The following ANO3 variants were observed in gnomAD, a reference collection of about 807,000 sequenced individuals.
The protein encoded by ANO3 is anoctamin-3.
Under a neutral mutation model 144.8 loss-of-function variants are expected in ANO3, and 99 were observed. That is an observed-to-expected ratio of 0.68 (90% CI 0.58 to 0.81). The LOEUF (loss-of-function observed/expected upper bound fraction) is 0.81. Among genes scored for constraint, ANO3 ranks in the 30% least tolerant of loss-of-function variants. The probability of loss-of-function intolerance (pLI) is 0.00; values close to 1 mark genes in which losing one functional copy is unlikely to be tolerated. For missense variants in ANO3, 905 were observed against 1,202.2 expected (o/e 0.75, Z 3.66); for synonymous variants, 414 against 392.6 (o/e 1.05, Z -0.64).
intron 14 of ANO3, among the ~76,000 whole-genome samples, chr11:26,564,728 CACACATATATATATAT>C (rs1215522548): frequency 0.025 from 883 of 35,524 alleles, 2 homozygotes; most frequent in Non-Finnish European, 0.031. Flanking sequence ...CACACACACA[CACACATATATATATAT>C]ATATATATAT....
chr11:26,369,810 C>T (rs1477094500), intron 1 of ANO3, among the ~76,000 whole-genome samples: 1 of 151,976 alleles, frequency 6.6e-6, no homozygotes, highest in Non-Finnish European at 1.5e-5. Flanking sequence ...TGGAATCTTC[C>T]CAGTTTGGTG....
At chr11:26,191,677 T>C (rs1292925940) in intron 1 of ANO3, among the ~76,000 whole-genome samples, 1 of 152,238 alleles carries the variant, frequency 6.6e-6, no homozygotes, top group Non-Finnish European at 1.5e-5. Flanking sequence ...AAGTATAATT[T>C]ACACTCTTTA....
intron 1 of ANO3, among the ~76,000 whole-genome samples, chr11:26,441,134 T>TTTTC (rs1858503224): frequency 7.1e-6 from 1 of 140,778 alleles, no homozygotes; most frequent in Non-Finnish European, 1.6e-5. Context: ...TTTTTTTTTT[T>TTTTC]TGAGACGGAG....
chr11:26,332,024 C>T (rs1855056593), upstream of ANO3: 5 of 1,173,646 alleles, frequency 4.3e-6, no homozygotes, highest in South Asian at 1.6e-5. Flanking sequence ...TGGCACTGGA[C>T]GCGCGGGGGA....
At chr11:26,378,626 G>T (rs529163440) in intron 1 of ANO3, among the ~76,000 whole-genome samples, 4 of 152,024 alleles carry the variant, frequency 2.6e-5, no homozygotes, top group African/African-American at 7.2e-5. Context: ...ATGCATTGTT[G>T]TTAGCTCTGA....
intron 1 of ANO3, among the ~76,000 whole-genome samples, chr11:26,209,952 G>A (rs549491727): frequency 6.6e-6 from 1 of 150,604 alleles, no homozygotes; most frequent in South Asian, 2.1e-4. Flanking sequence ...GTTCACTCAT[G>A]GTAGTTTCTT....
chr11:26,441,298 T>C (rs1427447554), intron 1 of ANO3, among the ~76,000 whole-genome samples: 1 of 151,044 alleles, frequency 6.6e-6, no homozygotes, highest in Non-Finnish European at 1.5e-5. Context: ...TTTGTATTTT[T>C]AGTAGAGACG....
chr11:26,254,441 C>G (rs1202982852), intron 1 of ANO3, among the ~76,000 whole-genome samples: 1 of 152,070 alleles, frequency 6.6e-6, no homozygotes, highest in Non-Finnish European at 1.5e-5. Flanking sequence ...AAATTACAAT[C>G]CCTTTCTATA....
chr11:26,505,292 C>T (rs938727577), intron 4 of ANO3, among the ~76,000 whole-genome samples: 1 of 151,940 alleles, frequency 6.6e-6, no homozygotes, highest in East Asian at 1.9e-4. Flanking sequence ...TGCAATCAAC[C>T]GGAATAAAGA....
rs1425319798 is a variant in ANO3 at position 26,340,364 on chromosome 11, A to G, written c.46+8043A>G. 2.6e-5 allele frequency among the ~76,000 whole-genome samples: 4 copies of G among 151,798 alleles called. No homozygotes were observed. In the East Asian group the frequency reaches 7.7e-4, roughly 29 times the overall value. ...GCACAAGAGCTGGCTTTAAACACACACTCCATCACTACCTGATATCTGGAG... is the reference window on the plus strand; with the variant it reads ...GCACAAGAGCTGGCTTTAAACACACGCTCCATCACTACCTGATATCTGGAG... On this transcript the variant is annotated intron_variant, in intron 1 of 26. Transcript: ENST00000256737.
At chr11:26,356,187 A>T (rs1855778520) in intron 1 of ANO3, among the ~76,000 whole-genome samples, 1 of 152,110 alleles carries the variant, frequency 6.6e-6, no homozygotes, top group Non-Finnish European at 1.5e-5. Context: ...ATCTACACAC[A>T]TATGTGTGTA....
At chr11:26,448,155 C>T (rs771784844) in intron 3 of ANO3, among the ~76,000 whole-genome samples, 1 of 152,056 alleles carries the variant, frequency 6.6e-6, no homozygotes, top group Non-Finnish European at 1.5e-5. Context: ...CAAAATTAGC[C>T]GGGTGTGGTG....
intron 24 of ANO3, among the ~76,000 whole-genome samples, chr11:26,652,604 T>C (rs1181315160): frequency 2.0e-5 from 3 of 152,192 alleles, no homozygotes; most frequent in Non-Finnish European, 4.4e-5. Flanking sequence ...TCTATTTACA[T>C]TTTCACATTA....
At chr11:26,456,043 C>T (rs995778958) in intron 3 of ANO3, among the ~76,000 whole-genome samples, 2 of 151,430 alleles carry the variant, frequency 1.3e-5, no homozygotes, top group Admixed American at 1.3e-4. Flanking sequence ...GAAACTGGAT[C>T]CCTTCCTTAC....
intron 1 of ANO3, among the ~76,000 whole-genome samples, chr11:26,374,408 T>C (rs1167581960): frequency 6.6e-6 from 1 of 152,210 alleles, no homozygotes; most frequent in African/African-American, 2.4e-5. Context: ...TGAAGATTAC[T>C]GAACACGTGT....
Position 26,569,963 on chromosome 11 carries a change from G to T in ANO3, c.1447+10184G>T, listed in dbSNP as rs866303674. On this transcript the variant is annotated intron_variant, in intron 14 of 26. Coordinates refer to ENST00000256737, the MANE Select transcript of ANO3 (RefSeq NM_031418.4). ...TGCCTCTTTTTGCATCTGGGTGGTA[G>T]CTCCTAAGAGAAATTTTGAAGTTAT... Among the ~76,000 whole-genome samples the T allele has an allele frequency of 3.9e-5, 6 of 152,110 alleles. No individual in the cohort carries two copies. In the South Asian group the frequency reaches 1.2e-3, roughly 32 times the overall value.
chr11:26,562,746 T>C (rs1354158355), intron 14 of ANO3, among the ~76,000 whole-genome samples: 1 of 151,918 alleles, frequency 6.6e-6, no homozygotes, highest in Non-Finnish European at 1.5e-5. Flanking sequence ...AAATTACTGC[T>C]ACTTAATGAT....
At chr11:26,450,562 A>T (rs1017855712) in intron 3 of ANO3, among the ~76,000 whole-genome samples, 2 of 152,194 alleles carry the variant, frequency 1.3e-5, no homozygotes, top group African/African-American at 4.8e-5. Flanking sequence ...TTTTAAAATC[A>T]TGATATTTAT....
At chr11:26,505,450 T>A (rs576498797) in intron 4 of ANO3, among the ~76,000 whole-genome samples, 2 of 152,280 alleles carry the variant, frequency 1.3e-5, no homozygotes, top group African/African-American at 4.8e-5. Context: ...GTGGTCAACA[T>A]ATAGATGGTT....
Sources: allele counts gnomAD v4.1 joint callset (sites outside exome capture counted in the v4.1 genomes callset), GRCh38; gene constraint gnomAD v4.1.1; transcripts MANE v1.5; gene names NCBI Gene and HGNC (gene_info 2026-07-23, HGNC 2026-07-21).